SCGB2B2: variants seen among roughly 807,000 people sequenced by gnomAD.
The protein encoded by SCGB2B2 is secretoglobin family 2B member 2, also known as secretoglobin-like protein.
In SCGB2B2, 11 loss-of-function variants were observed where a neutral mutation model predicts 7.6. The observed-to-expected ratio is 1.45, with a 90% confidence interval of 0.91 to 2.40. The LOEUF is 2.40. SCGB2B2 is among the 30% of genes most tolerant of loss of function. The pLI, the probability that SCGB2B2 is intolerant of heterozygous loss-of-function variation, is 0.00. For synonymous variants in SCGB2B2, 50 were observed against 48.6 expected, an observed-to-expected ratio of 1.03 and a Z score of -0.12; for missense variants, 104 against 115.4, an observed-to-expected ratio of 0.90 and a Z score of 0.45.
intron 1 of SCGB2B2, chr19:34,638,101 GTCCTTA>G: frequency 6.6e-6 from 1 of 152,038 alleles, no homozygotes; most frequent in African/African-American, 2.4e-5. Context: ...CATTAACACT[GTCCTTA>G]TCACCCTCAG....
chr19:34,625,887 A>G (rs2066361820), intron 1 of SCGB2B2, among the ~76,000 whole-genome samples: 2 of 152,290 alleles, frequency 1.3e-5, no homozygotes, highest in African/African-American at 4.8e-5. Flanking sequence ...GCAGTCTGAC[A>G]CCTCACACAG....
At chr19:34,617,094 A>G (rs1013961180) in intron 1 of SCGB2B2, among the ~76,000 whole-genome samples, 1 of 152,186 alleles carries the variant, frequency 6.6e-6, no homozygotes, top group Non-Finnish European at 1.5e-5. Flanking sequence ...GTAGCCTTGC[A>G]GTATAGTTTG....
intron 1 of SCGB2B2, among the ~76,000 whole-genome samples, chr19:34,630,536 G>C (rs1221781267): frequency 6.6e-6 from 1 of 151,972 alleles, no homozygotes; most frequent in African/African-American, 2.4e-5. Flanking sequence ...CTGGCCATCA[G>C]AGAAATGCAA....
intron 1 of SCGB2B2, among the ~76,000 whole-genome samples, chr19:34,610,441 G>A (rs1051853820): frequency 1.3e-5 from 2 of 152,128 alleles, no homozygotes; most frequent in Non-Finnish European, 2.9e-5. Flanking sequence ...TTTTGGCGAT[G>A]GGTTTGCCAT....
At chr19:34,660,431 T>G (rs1244743880) in intron 1 of SCGB2B2, among the ~76,000 whole-genome samples, 1 of 152,072 alleles carries the variant, frequency 6.6e-6, no homozygotes, top group East Asian at 1.9e-4. Flanking sequence ...CTTAAACAAA[T>G]TTACAAGAAA....
intron 1 of SCGB2B2, among the ~76,000 whole-genome samples, chr19:34,644,350 GTTTTTTT>G (rs76842372): frequency 8.3e-6 from 1 of 120,730 alleles, no homozygotes; most frequent in African/African-American, 2.9e-5. Flanking sequence ...TTGTTTTTTT[GTTTTTTT>G]TTTTGTTTTT....
chr19:34,620,867 AT>A (rs2145895302), intron 1 of SCGB2B2, among the ~76,000 whole-genome samples: 1 of 152,316 alleles, frequency 6.6e-6, no homozygotes, highest in Middle Eastern at 3.4e-3. Flanking sequence ...AATTATGAGA[AT>A]GTATACTGGG....
chr19:34,606,100 GTTT>G (rs898675692), intron 1 of SCGB2B2, among the ~76,000 whole-genome samples: 92 of 150,950 alleles, frequency 6.1e-4, no homozygotes, highest in African/African-American at 2.1e-3. Context: ...ATTTTATGTA[GTTT>G]TTTAAAATTT....
rs1355808489 is a variant in SCGB2B2 at position 34,590,761 on chromosome 19, A to G, written c.*2794T>C. On this transcript the variant is annotated 3_prime_UTR_variant, in exon 4 of 4. Coordinates refer to ENST00000601241, the MANE Select transcript of SCGB2B2 (RefSeq NM_001025591.4). ...TTTAGTTAAAGTAAACTCACAGGAC[A>G]TTGTCATTTTAAGAAATTACTCAAT... 6.6e-6 allele frequency among the ~76,000 whole-genome samples: 1 copy of G among 152,232 alleles called. No homozygotes were observed. Among genetic ancestry groups the G allele is most frequent in the Non-Finnish European group, 1.5e-5 (1 of 68,036 alleles).
At chr19:34,650,674 G>A (rs1180232251) in intron 1 of SCGB2B2, among the ~76,000 whole-genome samples, 3 of 151,142 alleles carry the variant, frequency 2.0e-5, no homozygotes, top group African/African-American at 7.4e-5. Context: ...TCAACCAAAC[G>A]TTTAGGAAGA....
chr19:34,672,525 T>C (rs2067828457), intron 1 of SCGB2B2, among the ~76,000 whole-genome samples: 1 of 152,252 alleles, frequency 6.6e-6, no homozygotes, highest in African/African-American at 2.4e-5. Context: ...GATAGTGGCC[T>C]AGTGTAGCTC....
intron 1 of SCGB2B2, among the ~76,000 whole-genome samples, chr19:34,623,214 C>T (rs2145906182): frequency 6.6e-6 from 1 of 152,222 alleles, no homozygotes; most frequent in East Asian, 1.9e-4. Context: ...TAAGAGTAAC[C>T]TAACATCCTT....
At chr19:34,635,486 T>C (rs1273524199) in intron 1 of SCGB2B2, 1 of 285,020 alleles carries the variant, frequency 3.5e-6, no homozygotes, top group Non-Finnish European at 7.3e-6. Context: ...GGGAGCTTTT[T>C]CTGTAGGCTT....
At chr19:34,658,324 C>A (rs1429970319) in intron 1 of SCGB2B2, among the ~76,000 whole-genome samples, 3 of 151,842 alleles carry the variant, frequency 2.0e-5, no homozygotes, top group Admixed American at 2.0e-4. Flanking sequence ...GGTTTTTTGA[C>A]AAGATCAACA....
intron 1 of SCGB2B2, among the ~76,000 whole-genome samples, chr19:34,650,495 A>G (rs2067136141): frequency 6.6e-6 from 1 of 151,248 alleles, no homozygotes; most frequent in Non-Finnish European, 1.5e-5. Context: ...ACAACAAATT[A>G]GAACACCTAG....
chr19:34,599,398 G>C (rs1178000627), intron 1 of SCGB2B2, among the ~76,000 whole-genome samples: 1 of 152,218 alleles, frequency 6.6e-6, no homozygotes, highest in Non-Finnish European at 1.5e-5. Flanking sequence ...GTTTACAAAA[G>C]AAAGAGGTTT....
chr19:34,616,331 C>T lies in SCGB2B2; in HGVS notation c.-2031-19737G>A, dbSNP rs904752923. Reference sequence around the variant, plus strand: ...CAGGGTAAAAGTGTTCCTATTTCTCCACATCCTCTCCAGCACCTGTTGTTT... The same window carrying T: ...CAGGGTAAAAGTGTTCCTATTTCTCTACATCCTCTCCAGCACCTGTTGTTT... On this transcript the variant is annotated intron_variant, in intron 1 of 3. Transcript: ENST00000601241. Among the ~76,000 whole-genome samples, 16 of 144,532 alleles carry T rather than the reference C, an allele frequency of 1.1e-4. 1 individual carries two copies. Among genetic ancestry groups the T allele is most frequent in the African/African-American group, 3.7e-4 (15 of 40,240 alleles). The allele number at this position is 144,532 out of a possible 152,430, so 94.8% of individuals were successfully genotyped here.
At chr19:34,660,044 TATTTAATA>T (rs1421655368) in intron 1 of SCGB2B2, among the ~76,000 whole-genome samples, 1 of 152,240 alleles carries the variant, frequency 6.6e-6, no homozygotes, top group African/African-American at 2.4e-5. Context: ...AAGGATTCCC[TATTTAATA>T]AATGGTGCTG....
chr19:34,658,423 C>T (rs913412660), intron 1 of SCGB2B2, among the ~76,000 whole-genome samples: 7 of 152,058 alleles, frequency 4.6e-5, no homozygotes, highest in Non-Finnish European at 1.0e-4. Context: ...GGGGATATCA[C>T]CACTGATCCC....
Sources: gnomAD v4.1 joint callset for allele counts (sites outside exome capture counted in the v4.1 genomes callset) on GRCh38, gnomAD v4.1.1 for gene constraint, MANE v1.5 for transcripts, NCBI Gene and HGNC (gene_info 2026-07-23, HGNC 2026-07-21) for gene names.